The following SORCS2 variants were observed in gnomAD, a reference collection of about 807,000 sequenced individuals.
The protein encoded by SORCS2 is VPS10 domain-containing receptor SorCS2.
In SORCS2, 100 loss-of-function variants were observed where a neutral mutation model predicts 141.6. The observed-to-expected ratio is 0.71, with a 90% CI of 0.60 to 0.83. The LOEUF (loss-of-function observed/expected upper bound fraction) is 0.83, where lower values mean the gene tolerates loss of function less well. SORCS2 is among the 40% of genes least tolerant of loss of function. The pLI, the probability that SORCS2 is intolerant of heterozygous loss-of-function variation, is 0.00. For synonymous variants in SORCS2, 789 were observed against 676.9 expected (o/e 1.17, Z -2.57); for missense variants, 1,646 against 1,560.2 (o/e 1.05, Z -0.93).
Position 7,737,094 on chromosome 4 carries a change from G to A in SORCS2, c.3337G>A (p.Ala1113Thr), listed in dbSNP as rs753839524. 13 of 1,551,312 alleles carry A rather than the reference G, an allele frequency of 8.4e-6. No individual in the cohort carries two copies. Among genetic ancestry groups the A allele is most frequent in the South Asian group, 3.6e-5 (3 of 84,050 alleles). Residue 1113 changes from alanine (A) to threonine (T), a missense_variant, in exon 26 of 27, where the codon GCC (alanine) becomes ACC (threonine). By Grantham distance (58) the Ala-to-Thr change is moderately conservative. Transcript: ENST00000507866. ...GAAACGGCCAGGCAGGACCGTGTAC[G>A]CCCAAATGCACAACGAGAAGGAGCA... The part of the protein sequence containing the change: ...KRKRPGRTVY[A>T]QMHNEKEQEM...
intron 2 of SORCS2, among the ~76,000 whole-genome samples, chr4:7,510,690 G>C (rs1472889963): frequency 6.7e-6 from 1 of 148,978 alleles, no homozygotes; most frequent in Non-Finnish European, 1.5e-5. Flanking sequence ...CCGGCACCTT[G>C]TTCTGGGCGC....
chr4:7,319,775 A>G (rs575326162), intron 1 of SORCS2, among the ~76,000 whole-genome samples: 2 of 152,342 alleles, frequency 1.3e-5, no homozygotes, highest in South Asian at 4.1e-4. Context: ...TTAAAAATAT[A>G]GAAGTTTTGC....
intron 2 of SORCS2, among the ~76,000 whole-genome samples, chr4:7,494,034 G>GACACACACACATACACTCACATGCTC (rs1731465019): frequency 1.1e-5 from 1 of 87,420 alleles, no homozygotes; most frequent in Non-Finnish European, 2.9e-5. Context: ...CACACACACA[G>GACACACACACATACACTCACATGCTC]ACACACACAC....
At chr4:7,495,734 C>G (rs988140420) in intron 2 of SORCS2, among the ~76,000 whole-genome samples, 2 of 152,204 alleles carry the variant, frequency 1.3e-5, no homozygotes, top group African/African-American at 4.8e-5. Flanking sequence ...GATCCTGATG[C>G]CTGGGCCTAG....
At chr4:7,600,654 T>TAC (rs1371962081) in intron 3 of SORCS2, among the ~76,000 whole-genome samples, 88 of 92,740 alleles carry the variant, frequency 9.5e-4, no homozygotes, top group African/African-American at 3.6e-3. Context: ...TACATATATA[T>TAC]ATACACACAC....
intron 2 of SORCS2, among the ~76,000 whole-genome samples, chr4:7,452,111 A>T (rs1728498718): frequency 6.7e-6 from 1 of 150,136 alleles, no homozygotes. Flanking sequence ...ACTGACCCAC[A>T]GCTCCCACTC....
At chr4:7,468,827 G>T (rs1271300459) in intron 2 of SORCS2, among the ~76,000 whole-genome samples, 1 of 152,230 alleles carries the variant, frequency 6.6e-6, no homozygotes, top group African/African-American at 2.4e-5. Context: ...TCTGGACGTT[G>T]CATTTGATCT....
chr4:7,638,649 C>T (rs1720430472), intron 4 of SORCS2, among the ~76,000 whole-genome samples, 157 bp downstream of exon 4: 1 of 151,950 alleles, frequency 6.6e-6, no homozygotes, highest in African/African-American at 2.4e-5. Context: ...TGGACCCCGT[C>T]ATCGCCCTCT....
chr4:7,598,585 G>A (rs1056780207), intron 3 of SORCS2, among the ~76,000 whole-genome samples: 1 of 152,224 alleles, frequency 6.6e-6, no homozygotes, highest in Non-Finnish European at 1.5e-5. Context: ...TGGCGGCTGT[G>A]TGGGGGGCAA....
intron 3 of SORCS2, among the ~76,000 whole-genome samples, chr4:7,534,285 T>C (rs1424854112): frequency 2.0e-5 from 3 of 152,114 alleles, no homozygotes; most frequent in Non-Finnish European, 4.4e-5. Context: ...TAGAGGACAG[T>C]GCCTGTGCTG....
chr4:7,203,285 G>A (rs7689187), intron 1 of SORCS2, among the ~76,000 whole-genome samples: 5 of 152,316 alleles, frequency 3.3e-5, no homozygotes, highest in East Asian at 3.9e-4. Context: ...TTAGCCGGGC[G>A]TGATGGCACA....
rs1729068377 is a variant in SORCS2, at chr4:7,458,493, C to T, written c.548+62138C>T. ...CCCCCATGGTCCCCATTCCCCAAACCAAGCAGCCTGACATTCATGCTTCAC... is the reference window on the plus strand; with the variant it reads ...CCCCCATGGTCCCCATTCCCCAAACTAAGCAGCCTGACATTCATGCTTCAC... On this transcript the variant is annotated intron_variant, in intron 2 of 26. Coordinates refer to ENST00000507866, the MANE Select transcript of SORCS2 (RefSeq NM_020777.3). Among the ~76,000 whole-genome samples the T allele has an allele frequency of 2.0e-5, 3 of 152,282 alleles. No homozygotes were observed. The South Asian group carries it at 6.2e-4, about 32-fold the overall frequency.
intron 2 of SORCS2, among the ~76,000 whole-genome samples, chr4:7,521,171 A>G (rs1733306306): frequency 6.6e-6 from 1 of 151,774 alleles, no homozygotes; most frequent in African/African-American, 2.4e-5. Flanking sequence ...TGGTGTCCAG[A>G]GCATGGTGGG....
At chr4:7,523,834 G>A (rs1014842495) in intron 2 of SORCS2, among the ~76,000 whole-genome samples, 3 of 152,014 alleles carry the variant, frequency 2.0e-5, no homozygotes, top group African/African-American at 7.3e-5. Flanking sequence ...CGTGTTCCTC[G>A]AAGCCGTACA....
chr4:7,508,391 C>T (rs1420425252), intron 2 of SORCS2, among the ~76,000 whole-genome samples: 2 of 136,748 alleles, frequency 1.5e-5, no homozygotes, highest in Non-Finnish European at 3.1e-5. Flanking sequence ...CTCACTTTGG[C>T]TCATGCTGGA....
At chr4:7,575,517 A>G (rs767117014) in intron 3 of SORCS2, among the ~76,000 whole-genome samples, 2 of 152,258 alleles carry the variant, frequency 1.3e-5, no homozygotes, top group Non-Finnish European at 2.9e-5. Flanking sequence ...TAGATTTCAT[A>G]ACATTGACAG....
intron 3 of SORCS2, among the ~76,000 whole-genome samples, chr4:7,581,167 A>G (rs543048568): frequency 2.1e-4 from 32 of 151,532 alleles, no homozygotes; most frequent in African/African-American, 7.7e-4. Flanking sequence ...AAAAAAAAAA[A>G]GCTACAATAA....
At chr4:7,691,404 G>A (rs1724243015) in intron 11 of SORCS2, among the ~76,000 whole-genome samples, 1 of 152,220 alleles carries the variant, frequency 6.6e-6, no homozygotes, top group Non-Finnish European at 1.5e-5. Flanking sequence ...GACCAGACCA[G>A]AGTGCAGGGA....
chr4:7,643,932 G>A (rs1003094536), intron 4 of SORCS2, among the ~76,000 whole-genome samples: 1 of 152,152 alleles, frequency 6.6e-6, no homozygotes, highest in Non-Finnish European at 1.5e-5. Flanking sequence ...GGCATCTCTT[G>A]AGTAACAGAA....
Sources: gnomAD v4.1 joint callset for allele counts (sites outside exome capture counted in the v4.1 genomes callset) on GRCh38, gnomAD v4.1.1 for gene constraint, MANE v1.5 for transcripts, NCBI Gene and HGNC (gene_info 2026-07-23, HGNC 2026-07-21) for gene names.